Variants in AGBL4 observed in about 807,000 individuals in gnomAD.
AGBL4 encodes the protein AGBL carboxypeptidase 4, also known as cytosolic carboxypeptidase 6.
Under a neutral mutation model 66.4 loss-of-function variants are expected in AGBL4, and 58 were observed. The observed-to-expected ratio is 0.87, with a 90% CI of 0.71 to 1.09. AGBL4 has a LOEUF of 1.09. Ranked by LOEUF, AGBL4 falls within the 50% of genes least tolerant of loss-of-function variation. The pLI, the probability that AGBL4 is intolerant of heterozygous loss-of-function variation, is 0.00. For missense variants in AGBL4, 579 were observed against 631.0 expected (o/e 0.92, Z 0.88); for synonymous variants, 234 against 222.9 (o/e 1.05, Z -0.44).
chr1:48,962,958 T>G lies in AGBL4; in HGVS notation c.594+82626A>C, dbSNP rs146113953. Reference sequence around the variant, plus strand: ...AGATAAAATAATCCACTAAGATGTTTAAAACACTATCTGGCATGTAGTAGG... The same window carrying G: ...AGATAAAATAATCCACTAAGATGTTGAAAACACTATCTGGCATGTAGTAGG... On this transcript the variant is annotated intron_variant, in intron 5 of 13. Transcript: ENST00000371839. Among the ~76,000 whole-genome samples, 18 of 151,678 alleles carry G rather than the reference T, an allele frequency of 1.2e-4. 1 individual carries two copies. Among genetic ancestry groups the G allele is most frequent in the African/African-American group, 4.4e-4 (18 of 41,030 alleles).
chr1:48,822,657 G>A (rs901755725), intron 6 of AGBL4, among the ~76,000 whole-genome samples: 2 of 152,150 alleles, frequency 1.3e-5, no homozygotes, highest in African/African-American at 4.8e-5. Context: ...TTACAATTGA[G>A]TATTGTGATT....
chr1:49,961,555 T>C (rs778716191), intron 1 of AGBL4, among the ~76,000 whole-genome samples: 9 of 152,118 alleles, frequency 5.9e-5, no homozygotes, highest in Admixed American at 2.0e-4. Context: ...CTTTAGGACT[T>C]TTCTACTACT....
chr1:49,718,333 T>C (rs975991181), intron 2 of AGBL4, among the ~76,000 whole-genome samples: 1 of 152,078 alleles, frequency 6.6e-6, no homozygotes, highest in Non-Finnish European at 1.5e-5. Context: ...GCTTCCCCTT[T>C]ACCTTCTGCC....
At chr1:48,724,364 C>T (rs973480150) in intron 6 of AGBL4, among the ~76,000 whole-genome samples, 1 of 152,212 alleles carries the variant, frequency 6.6e-6, no homozygotes, top group Non-Finnish European at 1.5e-5. Flanking sequence ...CTAACTCTAG[C>T]TCACTTTACC....
rs568952486 is a variant in AGBL4 at position 49,393,176 on chromosome 1, G to A, written c.283-147312C>T. ...CTCAGTGAATGATGGTACTGGCACA[G>A]TTAATTGAGATAGTAATGGTTATTA... On this transcript the variant is annotated intron_variant, in intron 3 of 13. Coordinates refer to ENST00000371839, the MANE Select transcript of AGBL4 (RefSeq NM_032785.4). Among the ~76,000 whole-genome samples the A allele has an allele frequency of 2.0e-5, 3 of 152,276 alleles. No individual in the cohort carries two copies. The East Asian group carries it at 5.8e-4, about 29-fold the overall frequency.
chr1:49,886,833 G>A, intron 1 of AGBL4, among the ~76,000 whole-genome samples: 1 of 152,056 alleles, frequency 6.6e-6, no homozygotes, highest in Non-Finnish European at 1.5e-5. Context: ...ACTTCTAAAT[G>A]AAATTTTAAT....
intron 1 of AGBL4, among the ~76,000 whole-genome samples, chr1:49,955,275 A>C (rs1557616237): frequency 6.6e-6 from 1 of 151,998 alleles, no homozygotes; most frequent in Non-Finnish European, 1.5e-5. Context: ...ATTGAGTATA[A>C]TCAAACTAAT....
chr1:49,627,057 T>C (rs934244909), intron 3 of AGBL4, among the ~76,000 whole-genome samples: 1 of 152,076 alleles, frequency 6.6e-6, no homozygotes, highest in Non-Finnish European at 1.5e-5. Flanking sequence ...CAGTCAGAAA[T>C]TGCCAATGTT....
At chr1:48,672,417 G>A (rs555753267) in intron 6 of AGBL4, among the ~76,000 whole-genome samples, 1 of 152,312 alleles carries the variant, frequency 6.6e-6, no homozygotes, top group East Asian at 1.9e-4. Flanking sequence ...GTCAGTAAAG[G>A]CTGGATTCAC....
intron 2 of AGBL4, among the ~76,000 whole-genome samples, chr1:49,821,479 G>A (rs939466145): frequency 6.6e-6 from 1 of 152,196 alleles, no homozygotes; most frequent in African/African-American, 2.4e-5. Flanking sequence ...GCTACTGATA[G>A]ACTTACCTTA....
chr1:49,562,919 T>C (rs1644089419), intron 3 of AGBL4, among the ~76,000 whole-genome samples: 1 of 152,166 alleles, frequency 6.6e-6, no homozygotes, highest in Admixed American at 6.6e-5. Context: ...ATTTTCATGA[T>C]ATTGATTCTT....
intron 5 of AGBL4, among the ~76,000 whole-genome samples, chr1:49,011,227 A>C (rs1662379823): frequency 6.6e-6 from 1 of 152,284 alleles, no homozygotes; most frequent in Admixed American, 6.5e-5. Context: ...AAAGGACATG[A>C]ACAGACACTT....
At chr1:50,006,586 G>A (rs1411341061) in intron 1 of AGBL4, among the ~76,000 whole-genome samples, 1 of 151,542 alleles carries the variant, frequency 6.6e-6, no homozygotes, top group African/African-American at 2.4e-5. Flanking sequence ...ATACAATGGA[G>A]CTCCAATACA....
intron 3 of AGBL4, among the ~76,000 whole-genome samples, chr1:49,516,997 C>T (rs1424586329): frequency 3.3e-5 from 5 of 151,824 alleles, no homozygotes; most frequent in South Asian, 4.2e-4. Flanking sequence ...CAACAGATTC[C>T]GTTTACATTA....
intron 6 of AGBL4, among the ~76,000 whole-genome samples, chr1:48,704,415 C>A (rs1004518828): frequency 5.3e-5 from 8 of 152,112 alleles, no homozygotes; most frequent in African/African-American, 1.9e-4. Flanking sequence ...TTTACTATGA[C>A]TTTTTTACTT....
intron 5 of AGBL4, among the ~76,000 whole-genome samples, chr1:48,989,678 C>G (rs115564921): frequency 2.0e-5 from 3 of 152,258 alleles, no homozygotes; most frequent in Non-Finnish European, 4.4e-5. Context: ...ATCTCAAGTT[C>G]TATCCATGTT....
intron 6 of AGBL4, among the ~76,000 whole-genome samples, chr1:48,827,735 G>C (rs115483998): frequency 0.012 from 1,764 of 152,300 alleles, 32 homozygotes; most frequent in African/African-American, 0.04. Flanking sequence ...AATCATGACA[G>C]CTGGGAAATT....
At chr1:49,671,314 A>G (rs1484801885) in intron 3 of AGBL4, among the ~76,000 whole-genome samples, 1 of 152,138 alleles carries the variant, frequency 6.6e-6, no homozygotes, top group African/African-American at 2.4e-5. Context: ...CCTTCCTTAC[A>G]CTATATACAA....
intron 3 of AGBL4, among the ~76,000 whole-genome samples, chr1:49,523,956 C>CCATCAT (rs201580756): frequency 0.014 from 2,171 of 150,974 alleles, 58 homozygotes; most frequent in African/African-American, 0.05. Context: ...AGCATTATCA[C>CCATCAT]CATCATCATC....
Sources: allele counts gnomAD v4.1 joint callset (sites outside exome capture counted in the v4.1 genomes callset), GRCh38; gene constraint gnomAD v4.1.1; transcripts MANE v1.5; gene names NCBI Gene and HGNC (gene_info 2026-07-23, HGNC 2026-07-21).